The following PTCH1 variants were observed in gnomAD, a reference collection of about 807,000 sequenced individuals.
The protein encoded by PTCH1 is protein patched homolog 1.
A neutral mutation model predicts 144.6 loss-of-function variants in PTCH1; 14 were observed. The observed-to-expected ratio is 0.10, with a 90% CI of 0.06 to 0.15. The LOEUF is 0.15. PTCH1 is among the 10% of genes least tolerant of loss of function. The pLI, the probability that PTCH1 is intolerant of heterozygous loss-of-function variation, is 1.00. For missense variants in PTCH1, 1,623 were observed against 1,948.3 expected (o/e 0.83, Z 3.14); for synonymous variants, 833 against 793.6 (o/e 1.05, Z -0.83).
chr9:95,457,224 A>G (rs925036922), intron 18 of PTCH1, among the ~76,000 whole-genome samples: 2 of 109,604 alleles, frequency 1.8e-5, no homozygotes, highest in African/African-American at 7.0e-5. Flanking sequence ...GAGAAAAATG[A>G]TCTTTCTTCT....
In PTCH1 at chr9:95,506,399, G is replaced by A. The variant is rs1373035322; in HGVS notation, c.394+8C>T. The A allele has an allele frequency of 6.2e-7, 1 of 1,608,546 alleles. No homozygotes were observed. Among genetic ancestry groups the A allele is most frequent in the African/African-American group, 1.3e-5 (1 of 74,536 alleles). On this transcript the variant is annotated splice_region_variant and intron_variant, in intron 2 of 23. Transcript: ENST00000331920. ...CGGGGGCGCGGGCGCCGCGGCGGGC[G>A]CTCTTACCTTCCACCCACAGCTCCT...
intron 3 of PTCH1, chr9:95,483,169 G>C (rs1212778808): frequency 6.6e-6 from 1 of 151,994 alleles, no homozygotes; most frequent in Non-Finnish European, 1.5e-5. Flanking sequence ...TCGGGAGGCA[G>C]AGGTGGAGGA....
At chr9:95,498,433 A>C (rs1842929501) in intron 2 of PTCH1, among the ~76,000 whole-genome samples, 1 of 152,186 alleles carries the variant, frequency 6.6e-6, no homozygotes, top group Admixed American at 6.5e-5. Flanking sequence ...CCAACAATAC[A>C]GTTTCCCTAA....
intron 2 of PTCH1, among the ~76,000 whole-genome samples, chr9:95,492,038 C>T (rs866587967): frequency 4.0e-4 from 61 of 152,244 alleles, no homozygotes; most frequent in Middle Eastern, 6.8e-3. Flanking sequence ...TTAATGAGGC[C>T]GGTGATGCTG....
intron 2 of PTCH1, chr9:95,503,335 C>G (rs1041863404): frequency 3.9e-5 from 6 of 152,212 alleles, no homozygotes; most frequent in African/African-American, 1.4e-4. Flanking sequence ...TATAGGACAG[C>G]AGGGAAATCT....
chr9:95,478,946 A>G, intron 8 of PTCH1, 54 bp downstream of exon 8: 1 of 1,612,166 alleles, frequency 6.2e-7, no homozygotes, highest in Non-Finnish European at 8.5e-7. Context: ...TAATGGTGAA[A>G]ATGAAGAATT....
At chr9:95,491,317 G>A (rs1421351376) in intron 2 of PTCH1, among the ~76,000 whole-genome samples, 1 of 152,232 alleles carries the variant, frequency 6.6e-6, no homozygotes, top group Non-Finnish European at 1.5e-5. Context: ...GCCACTAGTG[G>A]CAGAGAGATC....
In PTCH1 at chr9:95,453,556, G is replaced by A. The variant is rs374187104; in HGVS notation, c.3371C>T (p.Ala1124Val). Residue 1124 changes from alanine to valine, a missense_variant, in exon 20 of 24, where the codon GCA (alanine) becomes GTA (valine). By Grantham distance (64) the Ala-to-Val change is moderately conservative. Transcript: ENST00000331920. ...GGACACGGCGCCATCCAGGACGGGT[G>A]CAAACATGTGCTCCAGGGCAAGCAC... ...RAVLALEHMF[A>V]PVLDGAVSTL... is the part of the protein sequence containing the mutation. 5 of 1,613,978 alleles carry A rather than the reference G, an allele frequency of 3.1e-6. No homozygotes were observed. The African/African-American group carries it at 6.7e-5, about 22-fold the overall frequency.
intron 20 of PTCH1, chr9:95,451,266 T>C (rs952746771): frequency 3.9e-5 from 6 of 152,182 alleles, no homozygotes; most frequent in Non-Finnish European, 7.3e-5. Context: ...ATTAAGACAT[T>C]TGCATCCCAT....
rs139801496 is a variant in PTCH1, at chr9:95,446,505, G to A, written c.*2-114C>T. 1.2e-3 allele frequency: 584 copies of A among 476,906 alleles called. 7 individuals are homozygous for A. In the East Asian group the frequency reaches 0.029, roughly 24 times the overall value. 29.5% of individuals were successfully genotyped at this position (476,906 alleles called of 1,614,324 possible). On this transcript the variant is annotated intron_variant, in intron 23 of 23. Coordinates refer to ENST00000331920, the MANE Select transcript of PTCH1 (RefSeq NM_000264.5). Reference sequence around the variant, plus strand: ...TTGGTATTAGAAATCACGAGAGTGGGGTGTGGGCCTGAGGTGTCCCTGGGG... The same window carrying A: ...TTGGTATTAGAAATCACGAGAGTGGAGTGTGGGCCTGAGGTGTCCCTGGGG...
chr9:95,459,577 C>T, intron 17 of PTCH1, 23 bp downstream of exon 17: 6 of 1,612,494 alleles, frequency 3.7e-6, no homozygotes, highest in Non-Finnish European at 5.1e-6. Context: ...AGTTCCCAGA[C>T]CTCCCGATAA....
At position 95,516,632 on chromosome 9, in the gene PTCH1, G is replaced by C. The variant is rs1450621372; in HGVS notation, c.-161C>G. The C allele has an allele frequency of 1.9e-6, 3 of 1,609,122 alleles. No individual in the cohort carries two copies. In the South Asian group the frequency reaches 3.3e-5, roughly 18 times the overall value. ...CTCGTCTCCCCCTTGCCTTGTCGCT[G>C]CGGGTCTCTTTGTCTCCCCTGTCGT... On this transcript the variant is annotated 5_prime_UTR_variant, in exon 1 of 23. Transcript: ENST00000430669.
chr9:95,513,166 T>C (rs1844231133), upstream of PTCH1, among the ~76,000 whole-genome samples: 1 of 152,218 alleles, frequency 6.6e-6, no homozygotes, highest in African/African-American at 2.4e-5. Context: ...GATGTTCCAA[T>C]GGTAAGCAAT....
chr9:95,447,888 G>T (rs116559716), intron 22 of PTCH1, among the ~76,000 whole-genome samples: 1 of 152,174 alleles, frequency 6.6e-6, no homozygotes, highest in East Asian at 1.9e-4. Flanking sequence ...CACAGTAGCC[G>T]CTCCAGACAT....
rs1837642482 is a variant in PTCH1 at position 95,443,566 on chromosome 9, C to T, written c.*2827G>A. The T allele has an allele frequency of 6.6e-6, 1 of 152,600 alleles. No homozygotes were observed. The allele number at this position is 152,600 out of a possible 1,614,324, so 9.5% of individuals were successfully genotyped here. On this transcript the variant is annotated 3_prime_UTR_variant, in exon 24 of 24. Transcript: ENST00000331920. ...GTAACTAATAAACACTTCATAATCG[C>T]ATGAATATCCACTCTGCTCTGACTC...
intron 16 of PTCH1, among the ~76,000 whole-genome samples, chr9:95,460,267 T>C (rs1839346964): frequency 6.6e-6 from 1 of 152,162 alleles, no homozygotes; most frequent in African/African-American, 2.4e-5. Context: ...TCCTATGACC[T>C]GTGGATTCAA....
At position 95,478,118 on chromosome 9, in the gene PTCH1, G is replaced by A. The variant is rs1164371538; in HGVS notation, c.1284C>T (p.Asp428=). ...CGTCAGAGAAGGATTTCAGGATGTCGTCCAGGGTCGTGGTGGTGAAGGAAA... is the reference window on the plus strand; with the variant it reads ...CGTCAGAGAAGGATTTCAGGATGTCATCCAGGGTCGTGGTGGTGAAGGAAA... ...KVLSFTTTTL[D]DILKSFSDVS... Residue 428 remains aspartate (D), a synonymous_variant, in exon 9 of 24, where the codon GAC becomes GAT. Transcript: ENST00000331920. 4.3e-6 allele frequency: 7 copies of A among 1,614,050 alleles called. No homozygotes were observed. The highest frequency in any genetic ancestry group is 2.2e-5 in the East Asian group (1 of 44,892).
At chr9:95,488,671 C>T (rs901795166) in intron 2 of PTCH1, among the ~76,000 whole-genome samples, 8 of 152,118 alleles carry the variant, frequency 5.3e-5, no homozygotes, top group African/African-American at 1.4e-4. Context: ...AACCAGTCAG[C>T]GTAGTCTCTC....
chr9:95,505,843 G>A (rs1587690301), intron 2 of PTCH1, among the ~76,000 whole-genome samples: 1 of 150,326 alleles, frequency 6.7e-6, no homozygotes. Flanking sequence ...TCCAAAAACA[G>A]GACCACACAC....
Sources: allele counts gnomAD v4.1 joint callset (sites outside exome capture counted in the v4.1 genomes callset), GRCh38; gene constraint gnomAD v4.1.1; transcripts MANE v1.5; gene names NCBI Gene and HGNC (gene_info 2026-07-23, HGNC 2026-07-21).